Variants in AOPEP observed in about 807,000 individuals in gnomAD.
AOPEP encodes aminopeptidase O.
AOPEP carries 77 observed loss-of-function variants against 98.1 expected under a neutral mutation model. The ratio of observed to expected loss-of-function variants is 0.78; its 90% CI spans 0.65 to 0.95. The LOEUF is 0.95. AOPEP is among the 40% of genes least tolerant of loss of function. The pLI is 0.00. For missense variants in AOPEP, 1,024 were observed against 1,024.7 expected, an observed-to-expected ratio of 1.00 and a Z score of 0.01; for synonymous variants, 346 against 365.3, an observed-to-expected ratio of 0.95 and a Z score of 0.60.
At chr9:95,023,846 A>G (rs2063644399) in intron 13 of AOPEP, among the ~76,000 whole-genome samples, 2 of 152,220 alleles carry the variant, frequency 1.3e-5, no homozygotes, top group South Asian at 4.1e-4. Flanking sequence ...TGTCCCAGCT[A>G]TGAGTAATGG....
intron 5 of AOPEP, among the ~76,000 whole-genome samples, chr9:94,881,221 C>A (rs956577257): frequency 2.0e-5 from 3 of 150,258 alleles, no homozygotes; most frequent in Admixed American, 1.3e-4. Context: ...AAACTTGTAG[C>A]AACTTGGTGG....
chr9:95,094,071 T>C, the AOPEP span, among the ~76,000 whole-genome samples: 1 of 152,200 alleles, frequency 6.6e-6, no homozygotes, highest in Non-Finnish European at 1.5e-5. Flanking sequence ...TTTCTTGCTC[T>C]TCTCCTTTCT....
At chr9:95,125,039 C>T in the AOPEP span, 10 of 1,488,904 alleles carry the variant, frequency 6.7e-6, no homozygotes, top group Middle Eastern at 1.7e-4. Context: ...CTCTCAACAG[C>T]GTCTTATTCT....
chr9:95,047,389 G>A (rs1000890482), intron 13 of AOPEP, among the ~76,000 whole-genome samples: 2 of 152,184 alleles, frequency 1.3e-5, no homozygotes, highest in Admixed American at 1.3e-4. Flanking sequence ...GATCAAATCA[G>A]TATTGTCAAA....
At chr9:94,740,428 G>A (rs1019078042) in intron 1 of AOPEP, among the ~76,000 whole-genome samples, 1 of 152,172 alleles carries the variant, frequency 6.6e-6, no homozygotes, top group Non-Finnish European at 1.5e-5. Context: ...GGATTAGCAA[G>A]GCTCCAAGAT....
chr9:94,852,213 C>G (rs1178314017), intron 5 of AOPEP, among the ~76,000 whole-genome samples: 1 of 152,176 alleles, frequency 6.6e-6, no homozygotes, highest in Non-Finnish European at 1.5e-5. Context: ...GTACTTGGAT[C>G]CCACCCCAGA....
chr9:94,750,282 A>G (rs1269496845), intron 1 of AOPEP, among the ~76,000 whole-genome samples: 2 of 152,260 alleles, frequency 1.3e-5, no homozygotes, highest in East Asian at 3.9e-4. Flanking sequence ...CTCATTCTTC[A>G]GCCAGTAAGA....
At chr9:94,790,220 G>A (rs1447258962) in intron 3 of AOPEP, among the ~76,000 whole-genome samples, 5 of 151,216 alleles carry the variant, frequency 3.3e-5, no homozygotes, top group African/African-American at 7.3e-5. Flanking sequence ...AGGCTGGAGT[G>A]CAATTGTGCG....
chr9:94,902,424 A>G (rs2050537307), intron 5 of AOPEP, among the ~76,000 whole-genome samples: 1 of 152,152 alleles, frequency 6.6e-6, no homozygotes, highest in South Asian at 2.1e-4. Flanking sequence ...CATCTCCCCC[A>G]ATACCACACC....
chr9:94,992,278 CTGGTGCT>C (rs2060938828), intron 11 of AOPEP, among the ~76,000 whole-genome samples: 1 of 152,218 alleles, frequency 6.6e-6, no homozygotes, highest in Non-Finnish European at 1.5e-5. Context: ...CTACTTTTCA[CTGGTGCT>C]TGGTAAGGAG....
chr9:94,881,147 A>G (rs1040379655), intron 5 of AOPEP, among the ~76,000 whole-genome samples: 1 of 152,174 alleles, frequency 6.6e-6, no homozygotes, highest in Non-Finnish European at 1.5e-5. Context: ...GTTGGAATTT[A>G]ATAGACTTTC....
At position 94,928,766 on chromosome 9, in the gene AOPEP, G is replaced by A. The variant is rs187589689; in HGVS notation, c.1661+235G>A. 10 of 462,406 alleles carry A rather than the reference G, an allele frequency of 2.2e-5. No individual in the cohort carries two copies. In the East Asian group the frequency reaches 3.0e-4, roughly 14 times the overall value. 28.6% of individuals were successfully genotyped at this position (462,406 alleles called of 1,614,324 possible). ...AAAAAACTAGCATGAGGCCATTTCC[G>A]GGGGTCAGATCCTTCGTTTGAAGTT... On this transcript the variant is annotated intron_variant, in intron 7 of 16. Coordinates refer to ENST00000375315, the MANE Select transcript of AOPEP (RefSeq NM_001193329.3).
At position 94,727,676 on chromosome 9, in the gene AOPEP, T is replaced by C. The variant is rs543662675; in HGVS notation, c.-136+925T>C. ...TGGTTTTGTATTTTTAAAATACTTT[T>C]AGTCTGTTCCATTTTTGAATAGTGT... is the stretch of plus-strand genomic sequence containing the variant. On this transcript the variant is annotated intron_variant, in intron 1 of 16. Transcript: ENST00000375315. Among the ~76,000 whole-genome samples, 46 of 152,382 alleles carry C rather than the reference T, an allele frequency of 3.0e-4. No individual in the cohort carries two copies. In the South Asian group the frequency reaches 9.5e-3, roughly 32 times the overall value.
At chr9:94,798,074 G>A (rs531542270) in intron 4 of AOPEP, among the ~76,000 whole-genome samples, 109 of 152,120 alleles carry the variant, frequency 7.2e-4, no homozygotes, top group African/African-American at 2.5e-3. Context: ...GTTAAAGATG[G>A]GGAAAAAGAA....
At chr9:95,141,339 A>G in the AOPEP span, among the ~76,000 whole-genome samples, 2 of 128,902 alleles carry the variant, frequency 1.6e-5, no homozygotes, top group Non-Finnish European at 3.4e-5. Context: ...AAAAAAAAAA[A>G]GGATGTGAGG....
At chr9:94,874,012 A>G (rs7855867) in intron 5 of AOPEP, among the ~76,000 whole-genome samples, 452 of 152,300 alleles carry the variant, frequency 3.0e-3, no homozygotes, top group African/African-American at 0.01. Flanking sequence ...AGGAAGAATG[A>G]TAGGAAACAT....
At chr9:94,984,076 C>A (rs991368709) in intron 11 of AOPEP, among the ~76,000 whole-genome samples, 16 of 151,746 alleles carry the variant, frequency 1.1e-4, no homozygotes, top group East Asian at 9.7e-4. Flanking sequence ...CTCTGTTACC[C>A]AGGATGGAGT....
At chr9:94,947,996 T>C (rs2057808075) in intron 7 of AOPEP, among the ~76,000 whole-genome samples, 1 of 152,248 alleles carries the variant, frequency 6.6e-6, no homozygotes, top group Admixed American at 6.5e-5. Context: ...CTGCTACATG[T>C]TGAGTTTACA....
intron 1 of AOPEP, among the ~76,000 whole-genome samples, chr9:94,727,239 C>T (rs543073402): frequency 6.6e-6 from 1 of 152,324 alleles, no homozygotes; most frequent in Admixed American, 6.5e-5. Context: ...GTTTTGGGGT[C>T]CCTATAGAAC....
Sources: gnomAD v4.1 joint callset for allele counts (sites outside exome capture counted in the v4.1 genomes callset) on GRCh38, gnomAD v4.1.1 for gene constraint, MANE v1.5 for transcripts, NCBI Gene and HGNC (gene_info 2026-07-23, HGNC 2026-07-21) for gene names.